The following RNF10 variants were observed in gnomAD, a reference collection of about 807,000 sequenced individuals.
RNF10 encodes the protein E3 ubiquitin-protein ligase RNF10.
Under a neutral mutation model 91.4 loss-of-function variants are expected in RNF10, and 38 were observed. The observed-to-expected ratio is 0.42, with a 90% CI of 0.32 to 0.54. RNF10 has a LOEUF of 0.54. Among genes scored for constraint, RNF10 ranks in the 20% least tolerant of loss-of-function variants. The probability of loss-of-function intolerance (pLI) is 0.16; values close to 1 mark genes in which losing one functional copy is unlikely to be tolerated. For synonymous variants in RNF10, 364 were observed against 366.3 expected (o/e 0.99, Z 0.07); for missense variants, 945 against 1,012.0 (o/e 0.93, Z 0.90).
intron 1 of RNF10, among the ~76,000 whole-genome samples, chr12:120,544,581 TGAGAGGTGGAGGTTGTAGTGAAC>T (rs1024277932): frequency 5.1e-4 from 77 of 151,974 alleles, no homozygotes; most frequent in African/African-American, 1.7e-3. Flanking sequence ...GGCTTGAGCC[TGAGAGGTGGAGGTTGTAGTGAAC>T]GAGATTGTGC....
At chr12:120,543,618 A>T (rs1457720612) in intron 1 of RNF10, among the ~76,000 whole-genome samples, 2 of 151,996 alleles carry the variant, frequency 1.3e-5, no homozygotes, top group Non-Finnish European at 2.9e-5. Context: ...TCTGGGCAAC[A>T]TGGCAAAACC....
chr12:120,541,462 TCTCA>T (rs1229956321), intron 1 of RNF10, among the ~76,000 whole-genome samples: 3 of 140,198 alleles, frequency 2.1e-5, no homozygotes, highest in Non-Finnish European at 3.1e-5. Flanking sequence ...TGAGACGGAG[TCTCA>T]CTCTGTCGCC....
intron 13 of RNF10, among the ~76,000 whole-genome samples, chr12:120,567,406 T>C (rs1292829345): frequency 3.3e-5 from 5 of 151,308 alleles, no homozygotes; most frequent in African/African-American, 1.2e-4. Context: ...TACTGTAAAA[T>C]GTTTCACACC....
intron 1 of RNF10, 56 bp downstream of exon 1, chr12:120,535,024 G>A: frequency 6.7e-7 from 1 of 1,501,180 alleles, no homozygotes; most frequent in Admixed American, 2.4e-5. Context: ...GCTGGGGAGA[G>A]TCGTTGCTCT....
chr12:120,563,206 C>A, intron 8 of RNF10, 136 bp downstream of exon 8: 1 of 1,487,608 alleles, frequency 6.7e-7, no homozygotes, highest in African/African-American at 1.4e-5. Context: ...GTTATTAGTT[C>A]TTTCCCCAGG....
At chr12:120,566,687 G>C in intron 12 of RNF10, 138 bp from the exon 13 acceptor site, 4 of 786,158 alleles carry the variant, frequency 5.1e-6, no homozygotes, top group Non-Finnish European at 8.1e-6. Flanking sequence ...GCTTGAGCCT[G>C]GGAGGCAGAG....
Position 120,575,774 on chromosome 12 carries a change from AAC to A in RNF10, c.2201-15_2201-14del. The A allele has an allele frequency of 1.9e-6, 3 of 1,614,100 alleles. No individual in the cohort carries two copies. Among genetic ancestry groups the A allele is most frequent in the Non-Finnish European group, 2.5e-6 (3 of 1,179,970 alleles). On this transcript the variant is annotated splice_polypyrimidine_tract_variant and intron_variant, in intron 15 of 16. Coordinates refer to ENST00000325954, the MANE Select transcript of RNF10 (RefSeq NM_014868.5). ...GAAAAAGAGTTGTTTCTATAGTTTT[AAC>A]ACTGGTATTTTTTAGATGAGAACAG...
chr12:120,559,996 TCTTAAA>T (rs1480451762), intron 6 of RNF10, among the ~76,000 whole-genome samples: 1 of 151,924 alleles, frequency 6.6e-6, no homozygotes, highest in East Asian at 1.9e-4. Flanking sequence ...GCTGGCTTGG[TCTTAAA>T]CTTCTAAACT....
At chr12:120,562,831 T>G in intron 7 of RNF10, 114 bp from the exon 8 acceptor site, 1 of 1,292,524 alleles carries the variant, frequency 7.7e-7, no homozygotes, top group Admixed American at 1.8e-5. Context: ...CCATTGGGTC[T>G]CATTGCCTTT....
Position 120,577,132 on chromosome 12 carries a change from A to C in RNF10, c.*466A>C. 1 of 443,402 alleles carries C rather than the reference A, an allele frequency of 2.3e-6. No individual in the cohort carries two copies. Among genetic ancestry groups the C allele is most frequent in the South Asian group, 1.6e-5 (1 of 61,898 alleles). The allele number at this position is 443,402 out of a possible 1,614,324, so 27.5% of individuals were successfully genotyped here. ...ACTACCTATTTAGTTCTCCTTGTTA[A>C]AGAAACAGGGGTGGGAATAAAATGG... On this transcript the variant is annotated 3_prime_UTR_variant, in exon 17 of 17. Transcript: ENST00000325954.
chr12:120,563,852 G>A lies in RNF10; in HGVS notation c.1574G>A (p.Arg525His), dbSNP rs751512291. ...ATGTTCCTGCACCCTGTGAATGTGC[G>A]CTGCCTCGTGCGGGAGTACGGCAGC... ...QHMFLHPVNV[R>H]CLVREYGSLE... is the part of the protein sequence containing the mutation. Residue 525 changes from arginine (R) to histidine (H), a missense_variant, in exon 10 of 17, where the codon CGC becomes CAC. Arg to His is a conservative substitution (Grantham distance 29). Transcript: ENST00000325954. 5.6e-6 allele frequency: 9 copies of A among 1,614,002 alleles called. No homozygotes were observed. The highest frequency in any genetic ancestry group is 2.2e-5 in the South Asian group (2 of 91,076).
chr12:120,576,700 TTTTGTTTTTG>T lies in RNF10; in HGVS notation c.*38_*47del. 1 of 1,588,836 alleles carries T rather than the reference TTTTGTTTTTG, an allele frequency of 6.3e-7. No individual in the cohort carries two copies. Among genetic ancestry groups the T allele is most frequent in the Non-Finnish European group, 8.5e-7 (1 of 1,173,044 alleles). On this transcript the variant is annotated 3_prime_UTR_variant, in exon 17 of 17. Coordinates refer to ENST00000325954, the MANE Select transcript of RNF10 (RefSeq NM_014868.5). Reference sequence around the variant, plus strand: ...GCCCAGGCTACCTTCTCCATCTGGTTTTTGTTTTTGTTTTTTTTTCCCCCATGCTTTTGTT... The same window carrying T: ...GCCCAGGCTACCTTCTCCATCTGGTTTTTTTTTTTCCCCCATGCTTTTGTT...
rs774801649 is a variant in RNF10, at chr12:120,546,543, G to A, written c.296G>A (p.Arg99Lys). 3.7e-5 allele frequency: 60 copies of A among 1,614,044 alleles called. No homozygotes were observed. Among genetic ancestry groups the A allele is most frequent in the Admixed American group, 8.3e-5 (5 of 59,988 alleles). ...ACTTTTAACAAGATGCCTCCTCAAA[G>A]GGGCGGCGGCAGCAGCAAACTCTTT... ...SKTFNKMPPQ[R>K]GGGSSKLFSS... Residue 99 changes from arginine to lysine, a missense_variant, in exon 2 of 17, where the codon AGG (arginine) becomes AAG (lysine). Arg to Lys is a conservative substitution (Grantham distance 26, BLOSUM62 2). Coordinates refer to ENST00000325954, the MANE Select transcript of RNF10 (RefSeq NM_014868.5).
chr12:120,541,307 A>C (rs1871525147), intron 1 of RNF10, among the ~76,000 whole-genome samples: 1 of 152,084 alleles, frequency 6.6e-6, no homozygotes, highest in Non-Finnish European at 1.5e-5. Flanking sequence ...AGGTTGGAGG[A>C]TATGTGTTTT....
At chr12:120,561,879 A>G (rs1259912641) in intron 7 of RNF10, among the ~76,000 whole-genome samples, 2 of 152,206 alleles carry the variant, frequency 1.3e-5, no homozygotes, top group Non-Finnish European at 2.9e-5. Context: ...GGAGTTAGCT[A>G]AATCCTTCCT....
At chr12:120,544,813 C>T (rs1400273508) in intron 1 of RNF10, among the ~76,000 whole-genome samples, 2 of 152,160 alleles carry the variant, frequency 1.3e-5, no homozygotes, top group Non-Finnish European at 2.9e-5. Context: ...ATCACCTAAG[C>T]CTCTGTGTAA....
At chr12:120,546,255 C>G in intron 1 of RNF10, 150 bp from the exon 2 acceptor site, 1 of 643,664 alleles carries the variant, frequency 1.6e-6, no homozygotes, top group Non-Finnish European at 2.7e-6. Flanking sequence ...TGTTGTCTTG[C>G]TCAAAGCACT....
chr12:120,557,154 G>A (rs928668809), intron 4 of RNF10, 128 bp from the exon 5 acceptor site: 6 of 752,260 alleles, frequency 8.0e-6, no homozygotes, highest in African/African-American at 3.5e-5. Flanking sequence ...AGAAAGATAT[G>A]TTGAGTATAA....
Position 120,557,537 on chromosome 12 carries a change from A to G in RNF10, c.831-9A>G, listed in dbSNP as rs373831032. On this transcript the variant is annotated splice_polypyrimidine_tract_variant and intron_variant, in intron 5 of 16. Transcript: ENST00000325954. ...CTTGCCCTGCTACATATGAGTGTCC[A>G]TGTTTCAGTGTTGTTGCCACAGAGT... The G allele has an allele frequency of 4.2e-5, 68 of 1,614,050 alleles. No individual in the cohort carries two copies. The highest frequency in any genetic ancestry group is 5.3e-5 in the Non-Finnish European group (63 of 1,180,012).
Sources: gnomAD v4.1 joint callset for allele counts (sites outside exome capture counted in the v4.1 genomes callset) on GRCh38, gnomAD v4.1.1 for gene constraint, MANE v1.5 for transcripts, NCBI Gene and HGNC (gene_info 2026-07-23, HGNC 2026-07-21) for gene names.